CNBD1: variants seen among roughly 807,000 people sequenced by gnomAD.
CNBD1 encodes the protein cyclic nucleotide-binding domain-containing protein 1.
CNBD1 carries 71 observed loss-of-function variants against 54.4 expected under a neutral mutation model. The observed-to-expected ratio is 1.30, with a 90% CI of 1.08 to 1.59. The LOEUF (loss-of-function observed/expected upper bound fraction) is 1.59, where lower values mean the gene tolerates loss of function less well. Among genes scored for constraint, CNBD1 ranks in the 40% most tolerant of loss-of-function variants. The probability of loss-of-function intolerance (pLI) is 0.00; values close to 1 mark genes in which losing one functional copy is unlikely to be tolerated. For missense variants in CNBD1, 659 were observed against 518.0 expected (o/e 1.27, Z -2.64); for synonymous variants, 182 against 170.7 (o/e 1.07, Z -0.51).
chr8:87,284,452 CA>C (rs1197369943), intron 6 of CNBD1, among the ~76,000 whole-genome samples: 1 of 152,038 alleles, frequency 6.6e-6, no homozygotes, highest in Non-Finnish European at 1.5e-5. Flanking sequence ...CTGAATAAAA[CA>C]GAAGATTTTT....
intron 8 of CNBD1, among the ~76,000 whole-genome samples, chr8:87,333,695 C>T (rs1331698732): frequency 6.6e-6 from 1 of 151,976 alleles, no homozygotes. Flanking sequence ...GTTAAACCAG[C>T]CTTGCATCTC....
intron 4 of CNBD1, among the ~76,000 whole-genome samples, chr8:87,076,285 A>G (rs1301751363): frequency 2.6e-5 from 4 of 152,178 alleles, no homozygotes; most frequent in Non-Finnish European, 4.4e-5. Flanking sequence ...ATCACAACCT[A>G]TATCTGGATG....
chr8:87,301,561 T>A (rs1808992977), intron 8 of CNBD1, among the ~76,000 whole-genome samples: 1 of 152,046 alleles, frequency 6.6e-6, no homozygotes, highest in South Asian at 2.1e-4. Context: ...TCAATAAATG[T>A]AATACACCAT....
At chr8:86,965,007 C>A (rs1808033713) in intron 4 of CNBD1, among the ~76,000 whole-genome samples, 1 of 152,134 alleles carries the variant, frequency 6.6e-6, no homozygotes, top group Non-Finnish European at 1.5e-5. Context: ...GTGCTTAGAC[C>A]TAAGTTGTCA....
intron 4 of CNBD1, among the ~76,000 whole-genome samples, chr8:87,145,933 G>A (rs1211608166): frequency 1.3e-5 from 2 of 152,012 alleles, no homozygotes; most frequent in Non-Finnish European, 2.9e-5. Flanking sequence ...GGCTACCTCA[G>A]CTATATTATC....
At chr8:87,361,224 G>A (rs575777396) in intron 10 of CNBD1, among the ~76,000 whole-genome samples, 1 of 151,902 alleles carries the variant, frequency 6.6e-6, no homozygotes, top group East Asian at 1.9e-4. Context: ...CTTATAATTT[G>A]TTATTCCTTA....
intron 10 of CNBD1, among the ~76,000 whole-genome samples, chr8:87,379,905 G>A (rs951684071): frequency 2.6e-5 from 4 of 151,630 alleles, no homozygotes; most frequent in Non-Finnish European, 4.4e-5. Flanking sequence ...GAAAATACAC[G>A]AGAAATACTT....
intron 4 of CNBD1, among the ~76,000 whole-genome samples, chr8:86,966,393 G>A (rs550517152): frequency 2.0e-4 from 30 of 152,224 alleles, no homozygotes; most frequent in Non-Finnish European, 3.7e-4. Flanking sequence ...GAATGAAGCC[G>A]TGGACCCTTG....
intron 10 of CNBD1, among the ~76,000 whole-genome samples, chr8:87,369,810 T>C (rs1226172554): frequency 6.6e-6 from 1 of 152,006 alleles, no homozygotes; most frequent in Non-Finnish European, 1.5e-5. Context: ...TGCGCCATGC[T>C]GGTGTGCTGC....
chr8:87,188,909 T>C (rs13258619), intron 4 of CNBD1, among the ~76,000 whole-genome samples: 1 of 151,362 alleles, frequency 6.6e-6, no homozygotes, highest in Non-Finnish European at 1.5e-5. Flanking sequence ...GTAGTTATTG[T>C]AAACTTTTGA....
chr8:87,370,094 A>C (rs1810743079), intron 10 of CNBD1, among the ~76,000 whole-genome samples: 1 of 151,856 alleles, frequency 6.6e-6, no homozygotes, highest in South Asian at 2.1e-4. Flanking sequence ...TCCATGGTGT[A>C]TATGTGCCAC....
chr8:87,365,866 TATA>T lies in CNBD1; in HGVS notation c.1303+12083_1303+12085del, dbSNP rs1422393031. ...ACAGGAAGCATTTACAAAGGAATTTTATAATGTCTCCCACATTCTTTATTATTT... is the reference window on the plus strand; with the variant it reads ...ACAGGAAGCATTTACAAAGGAATTTTATGTCTCCCACATTCTTTATTATTT... On this transcript the variant is annotated intron_variant, in intron 10 of 10. Transcript: ENST00000518476. Among the ~76,000 whole-genome samples, 4 of 152,240 alleles carry T rather than the reference TATA, an allele frequency of 2.6e-5. No individual in the cohort carries two copies. In the East Asian group the frequency reaches 5.8e-4, roughly 22 times the overall value.
chr8:87,091,597 T>G (rs1019583311), intron 4 of CNBD1, among the ~76,000 whole-genome samples: 2 of 152,172 alleles, frequency 1.3e-5, no homozygotes, highest in African/African-American at 4.8e-5. Context: ...AGCAAACAAA[T>G]TCTCAGAATT....
intron 2 of CNBD1, among the ~76,000 whole-genome samples, chr8:87,388,650 A>C (rs1306792158): frequency 1.3e-5 from 2 of 152,220 alleles, no homozygotes; most frequent in Admixed American, 6.5e-5. Flanking sequence ...AGATGAATTC[A>C]CAGCCGAATT....
chr8:86,940,971 A>T (rs546196962), intron 4 of CNBD1, among the ~76,000 whole-genome samples: 2 of 152,326 alleles, frequency 1.3e-5, no homozygotes, highest in African/African-American at 2.4e-5. Flanking sequence ...AGTAGACTAC[A>T]CGATCCAGGT....
At chr8:87,319,910 T>C (rs1809482918) in intron 8 of CNBD1, among the ~76,000 whole-genome samples, 2 of 152,062 alleles carry the variant, frequency 1.3e-5, no homozygotes, top group Admixed American at 1.3e-4. Flanking sequence ...TCCTAAGTTC[T>C]TGATGTTTTA....
At chr8:87,043,531 T>G (rs1023390044) in intron 4 of CNBD1, among the ~76,000 whole-genome samples, 1 of 152,226 alleles carries the variant, frequency 6.6e-6, no homozygotes, top group African/African-American at 2.4e-5. Flanking sequence ...TCAGTCTCAC[T>G]CCCTTTACTC....
At chr8:87,129,094 A>AAAAAAAAAAAAAAAAAAAAAAAT (rs1491092510) in intron 4 of CNBD1, among the ~76,000 whole-genome samples, 2 of 136,290 alleles carry the variant, frequency 1.5e-5, no homozygotes, top group Non-Finnish European at 3.0e-5. Flanking sequence ...AAAAAAAAGA[A>AAAAAAAAAAAAAAAAAAAAAAAT]TTTTGCTATC....
intron 2 of CNBD1, among the ~76,000 whole-genome samples, chr8:87,416,371 CTGGAGAG>C (rs1253487846): frequency 9.2e-5 from 14 of 152,038 alleles, no homozygotes; most frequent in Non-Finnish European, 4.4e-5. Flanking sequence ...TTGCAGGAAT[CTGGAGAG>C]CATTTATTCA....
Sources: gnomAD v4.1 joint callset for allele counts (sites outside exome capture counted in the v4.1 genomes callset) on GRCh38, gnomAD v4.1.1 for gene constraint, MANE v1.5 for transcripts, NCBI Gene and HGNC (gene_info 2026-07-23, HGNC 2026-07-21) for gene names.